PANK4: variants seen among roughly 807,000 people sequenced by gnomAD.
The protein encoded by PANK4 is pantothenate kinase 4 (inactive).
In PANK4, 40 loss-of-function variants were observed where a neutral mutation model predicts 87.9. The ratio of observed to expected loss-of-function variants is 0.46; its 90% confidence interval spans 0.35 to 0.59. The LOEUF (loss-of-function observed/expected upper bound fraction) is 0.59, where lower values mean the gene tolerates loss of function less well. Among genes scored for constraint, PANK4 ranks in the 20% least tolerant of loss-of-function variants. PANK4 has a pLI of 0.00. For missense variants in PANK4, 926 were observed against 1,072.3 expected (o/e 0.86, Z 1.90); for synonymous variants, 524 against 467.4 (o/e 1.12, Z -1.56).
rs765278772 is a variant in PANK4 at position 2,510,642 on chromosome 1, C to CAGGGGA, written c.1938+30_1938+35dup. ...CAACCCCACCGAGAGCAGAGAAGCC[C>CAGGGGA]AGGGGAAGGGCCCCACCCACCACCT... On this transcript the variant is annotated intron_variant, in intron 16 of 18. Coordinates refer to ENST00000378466, the MANE Select transcript of PANK4 (RefSeq NM_018216.4). This position sits in a 1 kb window ranked among gnomAD's most constrained non-coding sequence, Gnocchi z 4.9. 1 of 1,284,032 alleles carries CAGGGGA rather than the reference C, an allele frequency of 7.8e-7. No individual in the cohort carries two copies. The highest frequency in any genetic ancestry group is 1.1e-6 in the Non-Finnish European group (1 of 883,534). The allele number at this position is 1,284,032 out of a possible 1,614,324, so 79.5% of individuals were successfully genotyped here.
Position 2,512,031 on chromosome 1 carries a change from A to T in PANK4, c.1728-348T>A, listed in dbSNP as rs553096085. On this transcript the variant is annotated intron_variant, in intron 13 of 18. Coordinates refer to ENST00000378466, the MANE Select transcript of PANK4 (RefSeq NM_018216.4). ...CAGGGGGCCACCAAGCAAAGGTCTGAGAGAGCACAGGCTGTTTCTCAAGGT... is the reference window on the plus strand; with the variant it reads ...CAGGGGGCCACCAAGCAAAGGTCTGTGAGAGCACAGGCTGTTTCTCAAGGT... Among the ~76,000 whole-genome samples the T allele has an allele frequency of 3.3e-5, 5 of 152,332 alleles. No homozygotes were observed. The East Asian group carries it at 9.7e-4, about 29-fold the overall frequency.
At position 2,519,689 on chromosome 1, in the gene PANK4, C is replaced by A; in HGVS notation, c.853+112G>T. The A allele has an allele frequency of 8.6e-7, 1 of 1,161,574 alleles. No individual in the cohort carries two copies. Among genetic ancestry groups the A allele is most frequent in the East Asian group, 2.6e-5 (1 of 37,954 alleles). The allele number at this position is 1,161,574 out of a possible 1,614,324, so 72.0% of individuals were successfully genotyped here. ...GTTACAGGGCTGACACCCAAGACCC[C>A]GACTCTCCAGGGAGCAGTTGTGGGA... On this transcript the variant is annotated intron_variant, in intron 6 of 18. Transcript: ENST00000378466. This position sits in a 1 kb window ranked among gnomAD's most constrained non-coding sequence, Gnocchi z 8.3.
At chr1:2,514,519 A>C in intron 10 of PANK4, 53 bp from the exon 11 acceptor site, 1 of 1,340,874 alleles carries the variant, frequency 7.5e-7, no homozygotes, top group Non-Finnish European at 1.0e-6. Flanking sequence ...GCTGCTTGCG[A>C]ATCCCCACGT....
At chr1:2,512,147 G>C (rs1643672371) in intron 13 of PANK4, among the ~76,000 whole-genome samples, 1 of 152,098 alleles carries the variant, frequency 6.6e-6, no homozygotes. Flanking sequence ...GCGGTGTGGG[G>C]AGCCCCCAGC....
At position 2,514,990 on chromosome 1, in the gene PANK4, C is replaced by T. The variant is rs548946977; in HGVS notation, c.1375-524G>A. ...CGGGTCCTGGGCAGGGCTGGGACTCCTCCCTCAGGACAAACCCTGGCACGA... is the reference window on the plus strand; with the variant it reads ...CGGGTCCTGGGCAGGGCTGGGACTCTTCCCTCAGGACAAACCCTGGCACGA... On this transcript the variant is annotated intron_variant, in intron 10 of 18. Transcript: ENST00000378466. Among the ~76,000 whole-genome samples, 4 of 152,276 alleles carry T rather than the reference C, an allele frequency of 2.6e-5. No individual in the cohort carries two copies. In the South Asian group the frequency reaches 8.3e-4, roughly 32 times the overall value.
Position 2,515,852 on chromosome 1 carries a change from G to A in PANK4, c.1219-135C>T, listed in dbSNP as rs115004956. ...TCCGCCACGTCTCTGGGCCACAGAC[G>A]AGACCCCCACTGGGCCCCCTCAGCT... On this transcript the variant is annotated intron_variant, in intron 9 of 18. Transcript: ENST00000378466. The surrounding 1 kb of genome is among the most constrained non-coding windows in gnomAD (Gnocchi z 5.0). 1.7e-5 allele frequency: 16 copies of A among 921,794 alleles called. No individual in the cohort carries two copies. The highest frequency in any genetic ancestry group is 4.7e-4 in the Middle Eastern group (2 of 4,228). The allele number at this position is 921,794 out of a possible 1,614,324, so 57.1% of individuals were successfully genotyped here.
chr1:2,508,923 T>C lies in PANK4; in HGVS notation c.2246A>G (p.Lys749Arg). 2 of 1,610,816 alleles carry C rather than the reference T, an allele frequency of 1.2e-6. No individual in the cohort carries two copies. The highest frequency in any genetic ancestry group is 1.7e-6 in the Non-Finnish European group (2 of 1,179,120). The change falls in exon 19 of 19, where the codon AAG becomes AGG. Residue 749 changes from lysine (K) to arginine (R), a missense_variant. Physicochemically the swap from Lys to Arg is conservative, Grantham distance 26. Transcript: ENST00000378466. The surrounding 1 kb of genome is among the most constrained non-coding windows in gnomAD (Gnocchi z 5.1). ...RCESLKLAVIKNAWLAERLGG... is the reference protein window; with the variant it reads ...RCESLKLAVIRNAWLAERLGG... ...CAGCCGCTCGGCCAGCCACGCGTTC[T>C]TGATGACGGCCAGCTTGAGGCTCTC... is the stretch of plus-strand genomic sequence containing the variant.
intron 1 of PANK4, 22 bp from the exon 2 acceptor site, chr1:2,521,822 G>T: frequency 6.2e-7 from 1 of 1,603,408 alleles, no homozygotes; most frequent in African/African-American, 1.3e-5. Context: ...ACACAAACCG[G>T]GCAGGATTCA....
chr1:2,511,288 C>T (rs776135719), intron 15 of PANK4, 50 bp downstream of exon 15: 79 of 1,380,852 alleles, frequency 5.7e-5, no homozygotes, highest in African/African-American at 8.5e-5. Context: ...ACCACCCCCC[C>T]GGGCCCCGCT....
chr1:2,523,447 T>C (rs1047136343), intron 1 of PANK4, among the ~76,000 whole-genome samples: 1 of 152,164 alleles, frequency 6.6e-6, no homozygotes, highest in Non-Finnish European at 1.5e-5. Flanking sequence ...CGACAGATGA[T>C]GCAAGAGGAT....
intron 8 of PANK4, 121 bp from the exon 9 acceptor site, chr1:2,518,385 CT>C: frequency 1.0e-6 from 1 of 962,912 alleles, no homozygotes; most frequent in South Asian, 1.4e-5. Context: ...TTAGACATGC[CT>C]GCTGCTGTCA....
At position 2,511,411 on chromosome 1, in the gene PANK4, G is replaced by A. The variant is rs775195687; in HGVS notation, c.1784-24C>T. ...TTCTGAGACAGAGAGAGGGACACAT[G>A]ATTAGCCCGGTGCTCCAGGTCAGGG... On this transcript the variant is annotated intron_variant, in intron 14 of 18. Transcript: ENST00000378466. 12 of 1,579,562 alleles carry A rather than the reference G, an allele frequency of 7.6e-6. No individual in the cohort carries two copies. In the Admixed American group the frequency reaches 1.8e-4, roughly 24 times the overall value.
Position 2,510,696 on chromosome 1 carries a change from T to C in PANK4, c.1920A>G (p.Leu640=). The C allele has an allele frequency of 6.3e-7, 1 of 1,595,602 alleles. No individual in the cohort carries two copies. The highest frequency in any genetic ancestry group is 1.4e-5 in the African/African-American group (1 of 73,964). ...ILGVFPFVRE[L]LLRGTEVILA... Reference sequence around the variant, plus strand: ...CACTCACCTCTGTCCCTCTAAGGAGTAGCTCCCTGACAAAGGGGAAGACTC... The same window carrying C: ...CACTCACCTCTGTCCCTCTAAGGAGCAGCTCCCTGACAAAGGGGAAGACTC... The change falls in exon 16 of 19, where the codon CTA becomes CTG. Residue 640 remains leucine (L), a synonymous_variant. Coordinates refer to ENST00000378466, the MANE Select transcript of PANK4 (RefSeq NM_018216.4). This position sits in a 1 kb window ranked among gnomAD's most constrained non-coding sequence, Gnocchi z 4.9.
chr1:2,508,897 C>G lies in PANK4; in HGVS notation c.2272G>C (p.Gly758Arg). 12 of 1,609,324 alleles carry G rather than the reference C, an allele frequency of 7.5e-6. No homozygotes were observed. Among genetic ancestry groups the G allele is most frequent in the Non-Finnish European group, 9.3e-6 (11 of 1,178,324 alleles). The change falls in exon 19 of 19, where the codon GGC becomes CGC. Residue 758 changes from glycine (G) to arginine (R), a missense_variant. Gly to Arg is a moderately radical substitution (Grantham distance 125, BLOSUM62 -2). Transcript: ENST00000378466. The surrounding 1 kb of genome is among the most constrained non-coding windows in gnomAD (Gnocchi z 5.1). ...AAGATGACGCTGAAGAGCCGGCCGC[C>G]CAGCCGCTCGGCCAGCCACGCGTTC... The part of the protein sequence containing the change: ...IKNAWLAERL[G>R]GRLFSVIFKY...
In PANK4 at chr1:2,521,806, G is replaced by A. The variant is rs1643877984; in HGVS notation, c.125-6C>T. Reference sequence around the variant, plus strand: ...CAGCTTGGTTAACGACCCGCCTGCAGGGGAGACACAAACCGGGCAGGATTC... The same window carrying A: ...CAGCTTGGTTAACGACCCGCCTGCAAGGGAGACACAAACCGGGCAGGATTC... On this transcript the variant is annotated splice_region_variant and splice_polypyrimidine_tract_variant and intron_variant, in intron 1 of 18. Transcript: ENST00000378466. The A allele has an allele frequency of 6.2e-7, 1 of 1,612,794 alleles. No individual in the cohort carries two copies. The highest frequency in any genetic ancestry group is 8.5e-7 in the Non-Finnish European group (1 of 1,178,940).
chr1:2,521,857 G>C (rs1281595342), intron 1 of PANK4, 57 bp from the exon 2 acceptor site: 1 of 1,333,240 alleles, frequency 7.5e-7, no homozygotes, highest in Non-Finnish European at 1.1e-6. Flanking sequence ...CGGGGCCTGG[G>C]GGTCCATGCC....
chr1:2,523,870 G>C (rs528344212), intron 1 of PANK4, among the ~76,000 whole-genome samples: 5 of 152,346 alleles, frequency 3.3e-5, no homozygotes, highest in East Asian at 1.9e-4. Flanking sequence ...GCGGCTCTCC[G>C]GGCTGCCCGC....
intron 9 of PANK4, among the ~76,000 whole-genome samples, chr1:2,517,956 G>A (rs1317989196): frequency 1.3e-5 from 2 of 152,210 alleles, no homozygotes; most frequent in African/African-American, 2.4e-5. Context: ...TCCAAAATAC[G>A]AAAGCACCCA....
At chr1:2,513,378 G>GT (rs1643698005) in intron 12 of PANK4, among the ~76,000 whole-genome samples, 1 of 152,158 alleles carries the variant, frequency 6.6e-6, no homozygotes, top group Non-Finnish European at 1.5e-5. Flanking sequence ...GGCTCGGCGT[G>GT]TGAGGGGAGG....
Sources: allele counts gnomAD v4.1 joint callset (sites outside exome capture counted in the v4.1 genomes callset), GRCh38; gene constraint gnomAD v4.1.1; non-coding constraint Gnocchi (gnomAD v3.1); transcripts MANE v1.5; gene names NCBI Gene and HGNC (gene_info 2026-07-23, HGNC 2026-07-21).